The following CENPW variants were observed in gnomAD, a reference collection of about 807,000 sequenced individuals.
CENPW encodes cancer-up-regulated gene 2 protein.
A neutral mutation model predicts 11.1 loss-of-function variants in CENPW; 3 were observed. The observed-to-expected ratio is 0.27, with a 90% CI of 0.12 to 0.70. CENPW has a LOEUF of 0.70. CENPW is among the 30% of genes least tolerant of loss of function. The probability of loss-of-function intolerance (pLI) is 0.77; values close to 1 mark genes in which losing one functional copy is unlikely to be tolerated. For missense variants in CENPW, 100 were observed against 105.6 expected (o/e 0.95, Z 0.23); for synonymous variants, 38 against 42.0 (o/e 0.91, Z 0.37).
chr6:126,415,445 G>T, the CENPW span, among the ~76,000 whole-genome samples: 1 of 152,158 alleles, frequency 6.6e-6, no homozygotes, highest in East Asian at 1.9e-4. Context: ...ATGAAGTAGG[G>T]TCTGTTATTA....
chr6:126,360,547 C>G, the CENPW span, among the ~76,000 whole-genome samples: 1 of 152,146 alleles, frequency 6.6e-6, no homozygotes, highest in African/African-American at 2.4e-5. Flanking sequence ...TCTCTCCTCT[C>G]TCAGGAATGT....
At chr6:126,341,975 G>A (rs1475398073) in intron 1 of CENPW, among the ~76,000 whole-genome samples, 1 of 152,184 alleles carries the variant, frequency 6.6e-6, no homozygotes, top group East Asian at 1.9e-4. Context: ...GGTATAGAAT[G>A]TTCTTTTGGT....
At chr6:126,481,745 G>A in the CENPW span, among the ~76,000 whole-genome samples, 158 of 152,080 alleles carry the variant, frequency 1.0e-3, 3 homozygotes, top group East Asian at 0.029. Context: ...CTATAAAAAC[G>A]CCAGTTTTCC....
the CENPW span, among the ~76,000 whole-genome samples, chr6:126,449,417 G>C: frequency 6.6e-6 from 1 of 150,880 alleles, no homozygotes; most frequent in Admixed American, 6.6e-5. Context: ...AATATTTACA[G>C]AATGAAAAAA....
chr6:126,364,385 A>G, the CENPW span, among the ~76,000 whole-genome samples: 1 of 152,228 alleles, frequency 6.6e-6, no homozygotes, highest in South Asian at 2.1e-4. Context: ...AGTTTTCTGT[A>G]GCATTTCACA....
chr6:126,436,599 T>C, the CENPW span, among the ~76,000 whole-genome samples: 2 of 151,870 alleles, frequency 1.3e-5, no homozygotes, highest in Non-Finnish European at 2.9e-5. Context: ...TCCTGAAATA[T>C]GAAGCACAAT....
At chr6:126,364,213 C>G in the CENPW span, among the ~76,000 whole-genome samples, 2 of 152,142 alleles carry the variant, frequency 1.3e-5, no homozygotes, top group African/African-American at 4.8e-5. Flanking sequence ...GTTGAGCACT[C>G]AGTTACATAT....
the CENPW span, among the ~76,000 whole-genome samples, chr6:126,434,597 A>T: frequency 6.6e-6 from 1 of 152,038 alleles, no homozygotes; most frequent in African/African-American, 2.4e-5. Context: ...TATGAAAACT[A>T]CGTTACAAAT....
the CENPW span, among the ~76,000 whole-genome samples, chr6:126,479,872 G>A: frequency 6.6e-6 from 1 of 151,478 alleles, no homozygotes; most frequent in Admixed American, 6.6e-5. Flanking sequence ...ATTTTATTTT[G>A]CTTTTACTCT....
At chr6:126,419,819 C>G in the CENPW span, among the ~76,000 whole-genome samples, 1 of 152,098 alleles carries the variant, frequency 6.6e-6, no homozygotes, top group Non-Finnish European at 1.5e-5. Context: ...TTTCTCCATG[C>G]CACTGAGTCT....
At chr6:126,378,530 C>T in the CENPW span, among the ~76,000 whole-genome samples, 178 of 151,554 alleles carry the variant, frequency 1.2e-3, 1 homozygote, top group African/African-American at 4.1e-3. Context: ...ATATACTGGT[C>T]GTGAGCACTC....
At chr6:126,344,224 A>G (rs1245839246) in intron 1 of CENPW, among the ~76,000 whole-genome samples, 1 of 152,232 alleles carries the variant, frequency 6.6e-6, no homozygotes, top group Non-Finnish European at 1.5e-5. Flanking sequence ...GATGTAGTCT[A>G]TGCAGTGATA....
At chr6:126,473,326 T>G in the CENPW span, among the ~76,000 whole-genome samples, 1 of 152,188 alleles carries the variant, frequency 6.6e-6, no homozygotes, top group African/African-American at 2.4e-5. Flanking sequence ...TTTAGCTCTA[T>G]AAAAAATTGG....
chr6:126,350,276 G>A (rs894765314), downstream of CENPW, among the ~76,000 whole-genome samples: 5 of 152,130 alleles, frequency 3.3e-5, no homozygotes, highest in South Asian at 1.0e-3. Flanking sequence ...GCACTGGATA[G>A]CTTATAGATA....
the CENPW span, among the ~76,000 whole-genome samples, chr6:126,411,568 G>A: frequency 6.6e-6 from 1 of 152,114 alleles, no homozygotes. Flanking sequence ...AGGGTCAGAT[G>A]TGGACTTCCC....
chr6:126,341,125 T>G (rs1208351778), intron 1 of CENPW, among the ~76,000 whole-genome samples: 1 of 152,204 alleles, frequency 6.6e-6, no homozygotes, highest in Non-Finnish European at 1.5e-5. Context: ...GAAGCCCCAA[T>G]CAAACCACTG....
the CENPW span, among the ~76,000 whole-genome samples, chr6:126,432,066 CA>C: frequency 0.069 from 2,530 of 36,610 alleles, 75 homozygotes; most frequent in African/African-American, 0.2. Context: ...CTCCATCTCA[CA>C]AAAAAAAAAA....
At chr6:126,469,727 AC>A in the CENPW span, among the ~76,000 whole-genome samples, 1 of 152,128 alleles carries the variant, frequency 6.6e-6, no homozygotes, top group Non-Finnish European at 1.5e-5. Flanking sequence ...GAGATAAGAA[AC>A]TTCTTGGGAA....
the CENPW span, among the ~76,000 whole-genome samples, chr6:126,463,127 A>T: frequency 1.3e-5 from 2 of 152,128 alleles, no homozygotes; most frequent in East Asian, 3.9e-4. Context: ...ATACAGACAC[A>T]TTCCTCTCTT....
Sources: allele counts gnomAD v4.1 joint callset (sites outside exome capture counted in the v4.1 genomes callset), GRCh38; gene constraint gnomAD v4.1.1; transcripts MANE v1.5; gene names NCBI Gene and HGNC (gene_info 2026-07-23, HGNC 2026-07-21).